TRPM1: variants seen among roughly 807,000 people sequenced by gnomAD.
The protein encoded by TRPM1 is TRPM1-203 APA Isoform, Intron 10.
In TRPM1, 113 loss-of-function variants were observed where a neutral mutation model predicts 149.4. The observed-to-expected ratio is 0.76, with a 90% CI of 0.65 to 0.88. The LOEUF (loss-of-function observed/expected upper bound fraction) is 0.88. Among genes scored for constraint, TRPM1 ranks in the 40% least tolerant of loss-of-function variants. The pLI is 0.00. For missense variants in TRPM1, 1,976 were observed against 2,038.7 expected (o/e 0.97, Z 0.59); for synonymous variants, 741 against 759.5 (o/e 0.98, Z 0.40).
chr15:31,089,564 G>C (rs944547647), intron 1 of TRPM1, among the ~76,000 whole-genome samples: 27 of 152,350 alleles, frequency 1.8e-4, no homozygotes, highest in African/African-American at 4.8e-4. Flanking sequence ...AGACAGGCCT[G>C]AGCGGCACCG....
intron 1 of TRPM1, among the ~76,000 whole-genome samples, chr15:31,090,634 C>G (rs1392069287): frequency 6.7e-6 from 1 of 149,338 alleles, no homozygotes; most frequent in Admixed American, 6.6e-5. Flanking sequence ...GAGACTCCAT[C>G]TCAAAAACAA....
At chr15:31,051,592 G>A (rs1429381318) in intron 11 of TRPM1, among the ~76,000 whole-genome samples, 1 of 152,146 alleles carries the variant, frequency 6.6e-6, no homozygotes, top group African/African-American at 2.4e-5. Context: ...TTCCCTGTCT[G>A]GCCACTACTT....
chr15:31,011,163 A>G (rs2032170672), intron 27 of TRPM1, among the ~76,000 whole-genome samples: 1 of 152,190 alleles, frequency 6.6e-6, no homozygotes, highest in Non-Finnish European at 1.5e-5. Context: ...AACTTTAAAA[A>G]TCTTTGAATC....
At position 31,068,074 on chromosome 15, in the gene TRPM1, C is replaced by T. The variant is rs1351214852; in HGVS notation, c.298G>A (p.Asp100Asn). The change falls in exon 5 of 28, where the codon GAC (aspartate) becomes AAC (asparagine). Residue 100 changes from aspartate to asparagine, a missense_variant. This residue lies in a region of TRPM1 where 1,332 missense variants were observed against 1,347.1 expected (regional missense o/e 0.99). Coordinates refer to ENST00000256552, the MANE Select transcript of TRPM1 (RefSeq NM_001252024.2). ...TGGAGCAGTGAGTCTGGCTTGGTGT[C>T]ATAGGATACACGGATATACTGTGAA... ...NKAMYIRVSYDTKPDSLLHLM... is the reference protein window; with the variant it reads ...NKAMYIRVSYNTKPDSLLHLM... 1.2e-6 allele frequency: 2 copies of T among 1,614,136 alleles called. No homozygotes were observed. The highest frequency in any genetic ancestry group is 8.5e-7 in the Non-Finnish European group (1 of 1,179,994).
rs1489058709 is a variant in TRPM1, at chr15:31,113,570, G to C, written c.55-36586C>G. Among the ~76,000 whole-genome samples, 2 of 151,690 alleles carry C rather than the reference G, an allele frequency of 1.3e-5. 1 individual carries two copies. Among genetic ancestry groups the C allele is most frequent in the South Asian group, 4.2e-4 (2 of 4,806 alleles). On this transcript the variant is annotated intron_variant, in intron 1 of 26. Coordinates refer to the TRPM1 transcript ENST00000542188. ...CCTAAAATGTTTTTTTTTAACTTTA[G>C]GTTCCCCCATACAACTGCAGGTTTG...
rs1420598071 is a variant in TRPM1 at position 31,003,009 on chromosome 15, A to G, written c.3691T>C (p.Ser1231Pro). The change falls in exon 28 of 28, where the codon TCC becomes CCC. Residue 1231 changes from serine (S) to proline (P), a missense_variant. Coordinates refer to ENST00000256552, the MANE Select transcript of TRPM1 (RefSeq NM_001252024.2). Reference protein sequence around the residue: ...INERETFMKTSLQTVDLRLAQ... With the variant: ...INERETFMKTPLQTVDLRLAQ... ...AGTCGAAGGTCAACAGTCTGCAGGG[A>G]AGTTTTCATAAAAGTTTCTCTTTCA... The G allele has an allele frequency of 1.3e-6, 2 of 1,594,386 alleles. No homozygotes were observed. Among genetic ancestry groups the G allele is most frequent in the African/African-American group, 2.7e-5 (2 of 73,710 alleles).
At chr15:31,117,455 C>T (rs2035814841) in intron 1 of TRPM1, among the ~76,000 whole-genome samples, 2 of 152,040 alleles carry the variant, frequency 1.3e-5, no homozygotes, top group Admixed American at 6.6e-5. Context: ...CACTGCACTC[C>T]AGCCTGGGCA....
intron 1 of TRPM1, among the ~76,000 whole-genome samples, chr15:31,097,717 T>A (rs759072635): frequency 4.6e-5 from 7 of 152,130 alleles, no homozygotes; most frequent in Non-Finnish European, 8.8e-5. Flanking sequence ...ATATTTCCGA[T>A]GTGATCCAGC....
chr15:31,088,468 C>T (rs894044630), intron 1 of TRPM1, among the ~76,000 whole-genome samples: 2 of 152,174 alleles, frequency 1.3e-5, no homozygotes, highest in Non-Finnish European at 1.5e-5. Context: ...TGGCTTCACT[C>T]CTGAAGTCAG....
At chr15:31,108,043 A>C (rs11630011) in intron 1 of TRPM1, among the ~76,000 whole-genome samples, 60,988 of 151,672 alleles carry the variant, frequency 0.4, 12,938 homozygotes, top group East Asian at 0.72. Flanking sequence ...TTTTTAGTAG[A>C]GATGGGGTTT....
upstream of TRPM1, among the ~76,000 whole-genome samples, chr15:31,102,847 C>T (rs2035542922): frequency 6.6e-6 from 1 of 152,246 alleles, no homozygotes; most frequent in Non-Finnish European, 1.5e-5. Flanking sequence ...CGCACAGCCC[C>T]TGGGCGCACA....
At chr15:31,024,089 C>T (rs2032638881) in intron 27 of TRPM1, among the ~76,000 whole-genome samples, 1 of 152,014 alleles carries the variant, frequency 6.6e-6, no homozygotes, top group South Asian at 2.1e-4. Context: ...GCTACCAAGA[C>T]AACAGGGAGA....
At chr15:31,010,649 C>G (rs1163457802) in intron 27 of TRPM1, among the ~76,000 whole-genome samples, 1 of 152,076 alleles carries the variant, frequency 6.6e-6, no homozygotes, top group Non-Finnish European at 1.5e-5. Flanking sequence ...CTTTGTTTAA[C>G]TTAAATCTTT....
At position 31,017,324 on chromosome 15, in the gene TRPM1, A is replaced by G. The variant is rs185328150; in HGVS notation, c.3629+8815T>C. Among the ~76,000 whole-genome samples, 682 of 152,228 alleles carry G rather than the reference A, an allele frequency of 4.5e-3. 2 individuals are homozygous for G. Among genetic ancestry groups the G allele is most frequent in the Non-Finnish European group, 7.4e-3 (505 of 68,002 alleles). On this transcript the variant is annotated intron_variant, in intron 27 of 27. Transcript: ENST00000256552. ...ACTCTGTCTCAAAATACATAAATAA[A>G]ATAGAGTAAAAGATTGTACCAGATT...
chr15:31,067,742 A>G, intron 5 of TRPM1, 137 bp downstream of exon 5: 2 of 864,034 alleles, frequency 2.3e-6, no homozygotes. Context: ...GCTAGGGAAT[A>G]AAGACTTCAC....
At chr15:31,144,026 G>A (rs904399830) in intron 1 of TRPM1, among the ~76,000 whole-genome samples, 9 of 152,306 alleles carry the variant, frequency 5.9e-5, no homozygotes, top group African/African-American at 2.2e-4. Flanking sequence ...GGCTTCAAGA[G>A]TTCCGAGCCT....
chr15:31,082,729 C>T (rs1400543074), intron 1 of TRPM1, among the ~76,000 whole-genome samples: 1 of 152,170 alleles, frequency 6.6e-6, no homozygotes, highest in Non-Finnish European at 1.5e-5. Context: ...CTGCTACAAA[C>T]ATGGCCAAGG....
intron 1 of TRPM1, among the ~76,000 whole-genome samples, chr15:31,148,818 C>G (rs530681971): frequency 6.6e-6 from 1 of 152,314 alleles, no homozygotes; most frequent in African/African-American, 2.4e-5. Flanking sequence ...GACACCACCC[C>G]AGGGTAGCCT....
intron 8 of TRPM1, 45 bp from the exon 9 acceptor site, chr15:31,062,747 CTA>C: frequency 6.2e-7 from 1 of 1,604,598 alleles, no homozygotes; most frequent in African/African-American, 1.3e-5. Context: ...CAAGTTAAAT[CTA>C]TATATGAATG....
Sources: allele counts gnomAD v4.1 joint callset (sites outside exome capture counted in the v4.1 genomes callset), GRCh38; gene constraint gnomAD v4.1.1; regional missense constraint gnomAD v4.1.1; transcripts MANE v1.5; gene names NCBI Gene and HGNC (gene_info 2026-07-23, HGNC 2026-07-21).